JPH3: variants seen among roughly 807,000 people sequenced by gnomAD.
JPH3 encodes the protein junctophilin-3.
JPH3 carries 11 observed loss-of-function variants against 59.6 expected under a neutral mutation model. That is an observed-to-expected ratio of 0.18 (90% CI 0.12 to 0.31). JPH3 has a LOEUF of 0.31. Ranked by LOEUF, JPH3 falls within the 10% of genes least tolerant of loss-of-function variation. The pLI, the probability that JPH3 is intolerant of heterozygous loss-of-function variation, is 1.00. For synonymous variants in JPH3, 673 were observed against 483.6 expected (o/e 1.39, Z -5.14); for missense variants, 1,202 against 1,105.7 (o/e 1.09, Z -1.24).
At chr16:87,612,078 T>A (rs1378612408) in intron 1 of JPH3, among the ~76,000 whole-genome samples, 3 of 152,204 alleles carry the variant, frequency 2.0e-5, no homozygotes, top group Non-Finnish European at 4.4e-5. Context: ...CACCCACAGG[T>A]GCTGATTGAG....
chr16:87,671,674 G>T (rs527830197), intron 2 of JPH3, among the ~76,000 whole-genome samples: 1 of 151,814 alleles, frequency 6.6e-6, no homozygotes, highest in Non-Finnish European at 1.5e-5. Flanking sequence ...CCCTGCACCC[G>T]GGCTCCCAGT....
chr16:87,604,474 C>G, intron 1 of JPH3: 7 of 1,357,880 alleles, frequency 5.2e-6, no homozygotes, highest in Non-Finnish European at 5.8e-6. Flanking sequence ...CTGGCTTCCC[C>G]GACCAGTCCA....
chr16:87,656,658 G>C (rs993206730), intron 2 of JPH3, among the ~76,000 whole-genome samples: 4 of 152,208 alleles, frequency 2.6e-5, no homozygotes, highest in Non-Finnish European at 4.4e-5. Flanking sequence ...ACGTGCAGCT[G>C]GCGGGTCAGG....
rs368130936 is a variant in JPH3, at chr16:87,618,604, G to A, written c.382+15076G>A. Among the ~76,000 whole-genome samples the A allele has an allele frequency of 1.7e-4, 26 of 152,274 alleles. No homozygotes were observed. The East Asian group carries it at 2.7e-3, about 16-fold the overall frequency. The stretch of plus-strand genomic sequence containing the variant: ...TTCCACCTGGCCACACTGTTTACTC[G>A]TTCCCGCCAGCAGCATGGGGGCTCT... On this transcript the variant is annotated intron_variant, in intron 1 of 4. Coordinates refer to ENST00000284262, the MANE Select transcript of JPH3 (RefSeq NM_020655.4).
intron 1 of JPH3, among the ~76,000 whole-genome samples, chr16:87,641,959 TG>T (rs2031968663): frequency 6.6e-6 from 1 of 151,506 alleles, no homozygotes; most frequent in Admixed American, 6.6e-5. Context: ...GCCCGGGCCC[TG>T]GGGTGCTTGG....
In JPH3 at chr16:87,684,123, T is replaced by G; in HGVS notation, c.1161-19T>G. ...CTGTGCCCCCTGCCCCCCCTCACGC[T>G]CCTCCCTGTCTCCCCCAGGACCTCC... On this transcript the variant is annotated intron_variant, in intron 2 of 4. Coordinates refer to ENST00000284262, the MANE Select transcript of JPH3 (RefSeq NM_020655.4). 1.2e-6 allele frequency: 2 copies of G among 1,608,468 alleles called. No homozygotes were observed. The highest frequency in any genetic ancestry group is 1.7e-6 in the Non-Finnish European group (2 of 1,176,102).
intron 2 of JPH3, among the ~76,000 whole-genome samples, chr16:87,652,900 A>G (rs1470290694): frequency 1.3e-5 from 2 of 152,192 alleles, no homozygotes; most frequent in Non-Finnish European, 2.9e-5. Context: ...CCCTGCACCC[A>G]CTACAGACAC....
intron 2 of JPH3, among the ~76,000 whole-genome samples, chr16:87,650,352 C>T (rs969015334): frequency 1.3e-5 from 2 of 152,180 alleles, no homozygotes; most frequent in African/African-American, 2.4e-5. Context: ...TCTGACCAAT[C>T]CTCCAACCAG....
At chr16:87,637,568 G>A (rs910520063) in intron 1 of JPH3, among the ~76,000 whole-genome samples, 3 of 152,130 alleles carry the variant, frequency 2.0e-5, no homozygotes, top group African/African-American at 2.4e-5. Flanking sequence ...CTGCGCTGAC[G>A]TGGAGTCCGA....
rs2033909455 is a variant in JPH3, at chr16:87,697,152, T to G, written c.*492T>G. Reference sequence around the variant, plus strand: ...GGGTGACAAGTATGGGCAGGAGGCATGGGGCAGGGTGGCCCACCCCAGTGG... The same window carrying G: ...GGGTGACAAGTATGGGCAGGAGGCAGGGGGCAGGGTGGCCCACCCCAGTGG... On this transcript the variant is annotated 3_prime_UTR_variant, in exon 5 of 5. Coordinates refer to ENST00000284262, the MANE Select transcript of JPH3 (RefSeq NM_020655.4). 1 of 190,518 alleles carries G rather than the reference T, an allele frequency of 5.2e-6. No homozygotes were observed. Among genetic ancestry groups the G allele is most frequent in the African/African-American group, 2.3e-5 (1 of 42,902 alleles). 11.8% of individuals were successfully genotyped at this position (190,518 alleles called of 1,614,324 possible).
chr16:87,614,548 T>C (rs2030871916), intron 1 of JPH3, among the ~76,000 whole-genome samples: 1 of 148,668 alleles, frequency 6.7e-6, no homozygotes, highest in Non-Finnish European at 1.5e-5. Context: ...GCGTGTCCTT[T>C]CCCAGGATAA....
At chr16:87,679,241 CTCTT>C (rs925684790) in intron 2 of JPH3, among the ~76,000 whole-genome samples, 26 of 152,202 alleles carry the variant, frequency 1.7e-4, no homozygotes, top group African/African-American at 5.3e-4. Flanking sequence ...TAGGGTTTCT[CTCTT>C]TCTTTCTTTA....
At chr16:87,680,433 CG>C (rs1315727210) in intron 2 of JPH3, among the ~76,000 whole-genome samples, 1 of 152,200 alleles carries the variant, frequency 6.6e-6, no homozygotes, top group Non-Finnish European at 1.5e-5. Context: ...GCCCAGGAAC[CG>C]GGCCTTTTCT....
At chr16:87,639,064 C>T (rs1326109859) in intron 1 of JPH3, among the ~76,000 whole-genome samples, 37 of 152,252 alleles carry the variant, frequency 2.4e-4, no homozygotes, top group Admixed American at 2.0e-3. Context: ...GTTCCTAGGG[C>T]GGCCACAGCC....
intron 2 of JPH3, among the ~76,000 whole-genome samples, chr16:87,645,557 G>A (rs767428992): frequency 2.6e-5 from 4 of 152,188 alleles, no homozygotes; most frequent in Admixed American, 6.5e-5. Context: ...CTGGCAAGGG[G>A]CTCATGCAGG....
chr16:87,689,308 CAG>C (rs1215641142), intron 3 of JPH3, among the ~76,000 whole-genome samples: 2 of 152,146 alleles, frequency 1.3e-5, no homozygotes, highest in East Asian at 3.9e-4. Flanking sequence ...ACAGGCGAGT[CAG>C]GGTTGGTGGG....
rs945441814 is a variant in JPH3 at position 87,643,351 on chromosome 16, C to T, written c.383-907C>T. On this transcript the variant is annotated intron_variant, in intron 1 of 4. Transcript: ENST00000284262. ...CATGGAAACAGTGCTGCTGAGAACC[C>T]AGGTGCACAGGCAGCTGCTGCAGTC... Among the ~76,000 whole-genome samples, 4 of 152,266 alleles carry T rather than the reference C, an allele frequency of 2.6e-5. No individual in the cohort carries two copies. In the East Asian group the frequency reaches 5.8e-4, roughly 22 times the overall value.
chr16:87,644,632 G>A lies in JPH3; in HGVS notation c.757G>A (p.Val253Ile), dbSNP rs755750862. ...SFRSEAGMST[V>I]SSTASDIHST... ...TCGCAGCGAGGCGGGCATGAGCACC[G>A]TCAGCTCCACGGCCAGCGACATCCA... The change falls in exon 2 of 5, where the codon GTC becomes ATC. Residue 253 changes from valine (V) to isoleucine (I), a missense_variant. By Grantham distance (29) the Val-to-Ile change is conservative. Transcript: ENST00000284262. 29 of 1,612,062 alleles carry A rather than the reference G, an allele frequency of 1.8e-5. No individual in the cohort carries two copies. The highest frequency in any genetic ancestry group is 8.8e-5 in the South Asian group (8 of 91,084).
intron 2 of JPH3, among the ~76,000 whole-genome samples, chr16:87,673,752 C>G (rs2033075576): frequency 6.6e-6 from 1 of 151,890 alleles, no homozygotes; most frequent in African/African-American, 2.4e-5. Flanking sequence ...ATGGCGAAAC[C>G]CTGTCTCTAC....
Sources: gnomAD v4.1 joint callset for allele counts (sites outside exome capture counted in the v4.1 genomes callset) on GRCh38, gnomAD v4.1.1 for gene constraint, MANE v1.5 for transcripts, NCBI Gene and HGNC (gene_info 2026-07-23, HGNC 2026-07-21) for gene names.